Variants in COPB1 observed in about 807,000 individuals in gnomAD.
The protein encoded by COPB1 is coat protein complex I subunit beta 1.
A neutral mutation model predicts 108.7 loss-of-function variants in COPB1; 21 were observed. That is an observed-to-expected ratio of 0.19 (90% CI 0.14 to 0.28). COPB1 has a LOEUF of 0.28. Ranked by LOEUF, COPB1 falls within the 10% of genes least tolerant of loss-of-function variation. COPB1 has a pLI of 1.00. For missense variants in COPB1, 919 were observed against 1,141.3 expected, an observed-to-expected ratio of 0.81 and a Z score of 2.81; for synonymous variants, 378 against 386.8, an observed-to-expected ratio of 0.98 and a Z score of 0.27.
At chr11:14,474,690 T>C (rs915546718) in intron 13 of COPB1, 75 bp from the exon 14 acceptor site, 30 of 1,573,970 alleles carry the variant, frequency 1.9e-5, no homozygotes, top group Non-Finnish European at 2.5e-5. Context: ...ATGAATGATA[T>C]AGGCCTATTA....
intron 14 of COPB1, among the ~76,000 whole-genome samples, chr11:14,472,120 C>G (rs1850420204): frequency 6.6e-6 from 1 of 152,120 alleles, no homozygotes; most frequent in African/African-American, 2.4e-5. Flanking sequence ...GACATTGTAA[C>G]CAACTCTGCG....
chr11:14,484,624 AG>A (rs747793241), intron 7 of COPB1, among the ~76,000 whole-genome samples: 5 of 152,174 alleles, frequency 3.3e-5, no homozygotes, highest in Non-Finnish European at 7.4e-5. Flanking sequence ...AGGCTGAGGC[AG>A]GAGAATCACT....
intron 3 of COPB1, 145 bp from the exon 4 acceptor site, chr11:14,493,956 A>G: frequency 2.5e-6 from 2 of 796,084 alleles, no homozygotes; most frequent in East Asian, 2.7e-5. Flanking sequence ...TTGTTGACTG[A>G]AGCAATTTTT....
At chr11:14,499,020 TA>T (rs3214792) in intron 1 of COPB1, 35 bp from the exon 2 acceptor site, 54,768 of 789,346 alleles carry the variant, frequency 0.069, 1,000 homozygotes, top group African/African-American at 0.14. Flanking sequence ...CATTACAAAT[TA>T]AAAAAAAAAA....
rs570259579 is a variant in COPB1 at position 14,461,345 on chromosome 11, T to C, written c.2411-14A>G. On this transcript the variant is annotated splice_polypyrimidine_tract_variant and intron_variant, in intron 18 of 21. Transcript: ENST00000439561. ...AGACATCATAAACTGCAATTACATA[T>C]ACAAAAAGATTCGCAATCACTGGGG... 20 of 1,606,206 alleles carry C rather than the reference T, an allele frequency of 1.2e-5. No individual in the cohort carries two copies. The East Asian group carries it at 3.1e-4, about 25-fold the overall frequency.
chr11:14,490,774 C>T, intron 4 of COPB1, 95 bp from the exon 5 acceptor site: 2 of 669,874 alleles, frequency 3.0e-6, no homozygotes, highest in Non-Finnish European at 4.9e-6. Flanking sequence ...TTTAATCAAA[C>T]TTTACAACAT....
rs142831503 is a variant in COPB1 at position 14,494,446 on chromosome 11, C to A, written c.92-7G>T. On this transcript the variant is annotated splice_region_variant and splice_polypyrimidine_tract_variant and intron_variant, in intron 2 of 21. Transcript: ENST00000439561. ...GACTTTACATCTCCTTTTTCTGAAT[C>A]AAAAATTTTTTTAAAAAAAAGCACA... The A allele has an allele frequency of 1.5e-4, 218 of 1,407,728 alleles. 4 individuals are homozygous for A. The African/African-American group carries it at 2.6e-3, about 17-fold the overall frequency. 87.2% of individuals were successfully genotyped at this position (1,407,728 alleles called of 1,614,324 possible). A position where few individuals can be genotyped will look rare whatever the true frequency, so the allele number is the denominator to read the frequency against.
chr11:14,493,081 G>C (rs1202527172), intron 4 of COPB1, among the ~76,000 whole-genome samples: 1 of 152,168 alleles, frequency 6.6e-6, no homozygotes, highest in East Asian at 1.9e-4. Flanking sequence ...GGGAGGTGGA[G>C]GTTGTTGTGA....
chr11:14,480,985 T>G lies in COPB1; in HGVS notation c.1065+5A>C. The stretch of plus-strand genomic sequence containing the variant: ...CTACAAAGTGCTGTCAGAGTTTCCT[T>G]TTACCTCTTCAACATTTCTAGAAGA... On this transcript the variant is annotated splice_donor_5th_base_variant and intron_variant, in intron 9 of 21. Transcript: ENST00000439561. The G allele has an allele frequency of 6.2e-7, 1 of 1,613,586 alleles. No homozygotes were observed. The highest frequency in any genetic ancestry group is 8.5e-7 in the Non-Finnish European group (1 of 1,179,660).
rs141332319 is a variant in COPB1, at chr11:14,497,973, T to C, written c.91+865A>G. ...GACAAACTTCACATGTTCTCACTTATTTGTGGAAGCTAAAAATCAAAACAA... is the reference window on the plus strand; with the variant it reads ...GACAAACTTCACATGTTCTCACTTACTTGTGGAAGCTAAAAATCAAAACAA... On this transcript the variant is annotated intron_variant, in intron 2 of 21. Transcript: ENST00000439561. Among the ~76,000 whole-genome samples the C allele has an allele frequency of 3.5e-3, 537 of 152,286 alleles. 7 individuals are homozygous for C. The highest frequency in any genetic ancestry group is 0.013 in the African/African-American group (522 of 41,552).
At position 14,494,299 on chromosome 11, in the gene COPB1, G is replaced by A; in HGVS notation, c.232C>T (p.Leu78Phe). 1.2e-6 allele frequency: 2 copies of A among 1,613,786 alleles called. No homozygotes were observed. The highest frequency in any genetic ancestry group is 1.7e-6 in the Non-Finnish European group (2 of 1,179,822). The change falls in exon 3 of 22, where the codon CTT (leucine) becomes TTT (phenylalanine). Residue 78 changes from leucine (L) to phenylalanine (F), a missense_variant. Around this residue, in one of 5 missense-constraint regions of COPB1, gnomAD observed 92 missense variants for 108.4 expected, o/e 0.85. Transcript: ENST00000439561. ...PLQDHTIKKL[L>F]LVFWEIVPKT... ...GGAACAATTTCCCAAAATACCAGAA[G>A]TAATTTCTTGATAGTGTGATCCTGA...
chr11:14,485,472 CG>C (rs1201781430), intron 7 of COPB1, among the ~76,000 whole-genome samples: 2 of 152,260 alleles, frequency 1.3e-5, no homozygotes, highest in Admixed American at 1.3e-4. Context: ...CAGCCACGCA[CG>C]TAACTTTTGA....
intron 7 of COPB1, among the ~76,000 whole-genome samples, chr11:14,483,623 A>C (rs1850709455): frequency 6.6e-6 from 1 of 152,176 alleles, no homozygotes; most frequent in Non-Finnish European, 1.5e-5. Flanking sequence ...TAGTATTTAT[A>C]ATAACTATTA....
chr11:14,465,856 A>C (rs1439203695), intron 17 of COPB1, among the ~76,000 whole-genome samples: 1 of 152,214 alleles, frequency 6.6e-6, no homozygotes, highest in East Asian at 1.9e-4. Context: ...ACTAAGAAAA[A>C]AAAATGCATC....
intron 1 of COPB1, 30 bp from the exon 2 acceptor site, chr11:14,499,015 C>T: frequency 1.1e-6 from 1 of 917,704 alleles, no homozygotes; most frequent in Non-Finnish European, 1.5e-6. Context: ...CATATCATTA[C>T]AAATTAAAAA....
At chr11:14,476,875 G>A (rs763012403) in intron 12 of COPB1, 44 bp downstream of exon 12, 1 of 1,277,344 alleles carries the variant, frequency 7.8e-7, no homozygotes, top group Non-Finnish European at 1.1e-6. Flanking sequence ...TTTCCTAAAG[G>A]AAAAATTACC....
chr11:14,482,886 G>T, intron 8 of COPB1, 146 bp downstream of exon 8: 1 of 627,464 alleles, frequency 1.6e-6, no homozygotes, highest in Non-Finnish European at 2.5e-6. Flanking sequence ...AGGCTATGAT[G>T]ACTCAATAGT....
Position 14,460,308 on chromosome 11 carries a change from GAAA to G in COPB1, c.2557-14_2557-12del. The G allele has an allele frequency of 6.6e-7, 1 of 1,526,324 alleles. No individual in the cohort carries two copies. Among genetic ancestry groups the G allele is most frequent in the Non-Finnish European group, 8.9e-7 (1 of 1,118,162 alleles). 94.5% of individuals were successfully genotyped at this position (1,526,324 alleles called of 1,614,324 possible). A position where few individuals can be genotyped will look rare whatever the true frequency, so the allele number is the denominator to read the frequency against. ...GGTGTTAACTGTCACCTGTAGAGAG[GAAA>G]AAAAAGTCAAGGAGATCATAAATCT... On this transcript the variant is annotated splice_polypyrimidine_tract_variant and intron_variant, in intron 19 of 21. Coordinates refer to ENST00000439561, the MANE Select transcript of COPB1 (RefSeq NM_001144061.2).
At chr11:14,497,474 T>C (rs557341747) in intron 2 of COPB1, among the ~76,000 whole-genome samples, 1 of 152,166 alleles carries the variant, frequency 6.6e-6, no homozygotes, top group African/African-American at 2.4e-5. Flanking sequence ...GAAATGCATA[T>C]CAAAACTACA....
Sources: allele counts gnomAD v4.1 joint callset (sites outside exome capture counted in the v4.1 genomes callset), GRCh38; gene constraint gnomAD v4.1.1; regional missense constraint gnomAD v4.1.1; transcripts MANE v1.5; gene names NCBI Gene and HGNC (gene_info 2026-07-23, HGNC 2026-07-21).